The following FRMPD4 variants were observed in gnomAD, a reference collection of about 807,000 sequenced individuals.
The protein encoded by FRMPD4 is FERM and PDZ domain containing 4.
A neutral mutation model predicts 94.1 loss-of-function variants in FRMPD4; 22 were observed. The ratio of observed to expected loss-of-function variants is 0.23; its 90% CI spans 0.17 to 0.33. FRMPD4 has a LOEUF of 0.33. FRMPD4 is among the 10% of genes least tolerant of loss of function. The pLI is 1.00. For missense variants in FRMPD4, 1,111 were observed against 1,339.9 expected (o/e 0.83, Z 2.67); for synonymous variants, 631 against 548.6 (o/e 1.15, Z -2.10).
chrX:12,205,193 C>T (rs1359601757), intron 1 of FRMPD4, among the ~76,000 whole-genome samples: 1 of 109,971 alleles, frequency 9.1e-6, no homozygotes, highest in Non-Finnish European at 1.9e-5. Flanking sequence ...TGCACCTAGG[C>T]AGACTAAATC....
intron 14 of FRMPD4, among the ~76,000 whole-genome samples, chrX:12,715,412 T>TAC (rs953217973): frequency 2.9e-4 from 32 of 111,117 alleles, no homozygotes; most frequent in African/African-American, 7.8e-4. Flanking sequence ...ATGCATTTTA[T>TAC]ACACACACAC....
At chrX:11,882,746 C>T (rs1232324903) in intron 3 of FRMPD4, among the ~76,000 whole-genome samples, 1 of 111,736 alleles carries the variant, frequency 8.9e-6, no homozygotes, top group African/African-American at 3.3e-5. Context: ...ATCCGAAACA[C>T]TTCTTGTCCC....
At chrX:12,023,072 T>A (rs1221009273) in intron 3 of FRMPD4, among the ~76,000 whole-genome samples, 1 of 111,653 alleles carries the variant, frequency 9.0e-6, no homozygotes, top group African/African-American at 3.3e-5. Context: ...GGTGACTATG[T>A]CATAAAGTTG....
intron 5 of FRMPD4, among the ~76,000 whole-genome samples, chrX:12,681,696 T>TACACAC (rs35651585): frequency 4.9e-4 from 51 of 104,040 alleles, no homozygotes; most frequent in East Asian, 1.5e-3. Context: ...CCATCCAGGA[T>TACACAC]ACACACACAC....
At chrX:12,634,810 T>C (rs1020434065) in intron 4 of FRMPD4, among the ~76,000 whole-genome samples, 1 of 105,364 alleles carries the variant, frequency 9.5e-6, no homozygotes, top group East Asian at 2.9e-4. Flanking sequence ...CTTTTCTCTA[T>C]GAAGTCCATC....
intron 1 of FRMPD4, among the ~76,000 whole-genome samples, chrX:12,251,412 C>A (rs748645257): frequency 8.9e-6 from 1 of 112,276 alleles, no homozygotes; most frequent in South Asian, 3.8e-4. Flanking sequence ...GCTATGCCCC[C>A]AGCCCGTACA....
intron 3 of FRMPD4, among the ~76,000 whole-genome samples, chrX:11,968,844 C>A (rs901979656): frequency 4.5e-5 from 5 of 112,244 alleles, no homozygotes; most frequent in African/African-American, 1.6e-4. Context: ...CACTGAGGCA[C>A]AGAGATTAAA....
At chrX:11,859,191 C>T (rs1198875265) in intron 1 of FRMPD4, among the ~76,000 whole-genome samples, 2 of 111,489 alleles carry the variant, frequency 1.8e-5, no homozygotes, top group African/African-American at 6.5e-5. Context: ...TCATTTTCTG[C>T]ACATGGGAAG....
intron 1 of FRMPD4, among the ~76,000 whole-genome samples, chrX:12,300,370 G>A (rs1049362445): frequency 1.8e-5 from 2 of 111,829 alleles, no homozygotes; most frequent in South Asian, 3.8e-4. Context: ...GGCCAGTAAG[G>A]CTCTGGAGGC....
intron 3 of FRMPD4, among the ~76,000 whole-genome samples, chrX:12,016,727 T>C (rs2147419336): frequency 8.9e-6 from 1 of 112,276 alleles, no homozygotes; most frequent in Admixed American, 9.4e-5. Context: ...AGGTGAGGTA[T>C]ATAGGCCAAA....
intron 3 of FRMPD4, among the ~76,000 whole-genome samples, chrX:11,963,964 T>C (rs775580390): frequency 3.4e-4 from 38 of 111,605 alleles, no homozygotes; most frequent in Non-Finnish European, 5.7e-4. Context: ...AAACTCTTCA[T>C]TGATTTGCTC....
chrX:12,191,654 ACTG>A (rs1210698128), intron 1 of FRMPD4, among the ~76,000 whole-genome samples: 1 of 106,881 alleles, frequency 9.4e-6, no homozygotes, highest in East Asian at 3.1e-4. Flanking sequence ...AGGCTATAAT[ACTG>A]TGTGATTTCA....
intron 1 of FRMPD4, among the ~76,000 whole-genome samples, chrX:12,160,504 T>A (rs1462554558): frequency 8.9e-6 from 1 of 111,918 alleles, no homozygotes; most frequent in Non-Finnish European, 1.9e-5. Flanking sequence ...GAGTAATGTG[T>A]TGATTTTGTT....
rs373389829 is a variant in FRMPD4 at position 12,114,445 on chromosome X, A to G, written c.95+236427A>G. ...TCTCTCTCTTCCAGAGTTGTTCCCT[A>G]TACTTTGCTGTTTACATGTAAATAA... On this transcript the variant is annotated intron_variant, in intron 3 of 18. Coordinates refer to the FRMPD4 transcript ENST00000640291. Among the ~76,000 whole-genome samples, 81 of 112,304 alleles carry G rather than the reference A, an allele frequency of 7.2e-4. 2 individuals carry two copies. In the South Asian group the frequency reaches 0.029, roughly 41 times the overall value.
In FRMPD4 at chrX:12,476,917, G is replaced by A. The variant is rs1390583607; in HGVS notation, c.42-21763G>A. Among the ~76,000 whole-genome samples the A allele has an allele frequency of 7.2e-5, 8 of 111,741 alleles. No homozygotes were observed. The East Asian group carries it at 1.1e-3, about 16-fold the overall frequency. ...TGGAAGACAGTGTGGCGATTCCTCAGGGATCTAGAACTAGAAATACCATTT... is the reference window on the plus strand; with the variant it reads ...TGGAAGACAGTGTGGCGATTCCTCAAGGATCTAGAACTAGAAATACCATTT... On this transcript the variant is annotated intron_variant, in intron 1 of 16. Transcript: ENST00000675598.
intron 1 of FRMPD4, among the ~76,000 whole-genome samples, chrX:12,301,992 T>C (rs1197229057): frequency 4.5e-5 from 5 of 112,194 alleles, no homozygotes; most frequent in African/African-American, 1.6e-4. Flanking sequence ...TCTTGCTTTA[T>C]GGATAAGCTC....
chrX:12,359,472 CTTTTTTT>C (rs34380413), intron 1 of FRMPD4, among the ~76,000 whole-genome samples: 12 of 98,034 alleles, frequency 1.2e-4, no homozygotes, highest in Non-Finnish European at 1.0e-4. Context: ...TTTCTTTTTT[CTTTTTTT>C]TTTTTTGAAA....
intron 7 of FRMPD4, among the ~76,000 whole-genome samples, chrX:12,689,239 GTGTT>G (rs1376726156): frequency 1.8e-5 from 2 of 111,818 alleles, no homozygotes; most frequent in African/African-American, 6.5e-5. Context: ...GTAAATGTGT[GTGTT>G]TGTACATGGA....
chrX:12,525,313 G>C (rs2058211395), intron 2 of FRMPD4, among the ~76,000 whole-genome samples: 1 of 111,439 alleles, frequency 9.0e-6, no homozygotes, highest in Non-Finnish European at 1.9e-5. Flanking sequence ...GGTTAAAATA[G>C]AGATCATAAG....
Sources: allele counts gnomAD v4.1 joint callset (sites outside exome capture counted in the v4.1 genomes callset), GRCh38; gene constraint gnomAD v4.1.1; transcripts MANE v1.5; gene names NCBI Gene and HGNC (gene_info 2026-07-23, HGNC 2026-07-21).